Variants in SCG3 observed in about 807,000 individuals in gnomAD.
SCG3 encodes secretogranin III.
A neutral mutation model predicts 56.2 loss-of-function variants in SCG3; 38 were observed. The ratio of observed to expected loss-of-function variants is 0.68; its 90% CI spans 0.52 to 0.89. SCG3 has a LOEUF of 0.89. Among genes scored for constraint, SCG3 ranks in the 40% least tolerant of loss-of-function variants. The probability of loss-of-function intolerance (pLI) is 0.00; values close to 1 mark genes in which losing one functional copy is unlikely to be tolerated. For synonymous variants in SCG3, 176 were observed against 184.2 expected (o/e 0.96, Z 0.36); for missense variants, 524 against 540.7 (o/e 0.97, Z 0.31).
chr15:51,685,215 G>A (rs1043862611), intron 4 of SCG3, among the ~76,000 whole-genome samples: 4 of 152,070 alleles, frequency 2.6e-5, no homozygotes, highest in Non-Finnish European at 4.4e-5. Flanking sequence ...TCTTGAATTC[G>A]ACTTTTTTAC....
Position 51,720,957 on chromosome 15 carries a change from C to G in SCG3, c.*1431C>G, listed in dbSNP as rs1014010562. 1 of 155,290 alleles carries G rather than the reference C, an allele frequency of 6.4e-6. No homozygotes were observed. Among genetic ancestry groups the G allele is most frequent in the African/African-American group, 2.4e-5 (1 of 41,486 alleles). The allele number at this position is 155,290 out of a possible 1,614,324, so 9.6% of individuals were successfully genotyped here. A position where few individuals can be genotyped will look rare whatever the true frequency, so the allele number is the denominator to read the frequency against. On this transcript the variant is annotated 3_prime_UTR_variant, in exon 12 of 12. Transcript: ENST00000220478. Reference sequence around the variant, plus strand: ...GGCCACCCCAGCCAGCAGCAGCAACCTGTTCAGGTCGCCTGCCGCTGTGGA... The same window carrying G: ...GGCCACCCCAGCCAGCAGCAGCAACGTGTTCAGGTCGCCTGCCGCTGTGGA...
intron 8 of SCG3, 47 bp from the exon 9 acceptor site, chr15:51,699,272 T>A (rs757994120): frequency 1.5e-5 from 20 of 1,361,476 alleles, no homozygotes; most frequent in Non-Finnish European, 2.1e-5. Flanking sequence ...AAATTTGATG[T>A]CATCTCTCAG....
chr15:51,684,254 T>A (rs1409277052), intron 4 of SCG3, among the ~76,000 whole-genome samples: 4 of 152,186 alleles, frequency 2.6e-5, no homozygotes, highest in Admixed American at 1.3e-4. Flanking sequence ...CAAGCTCCAA[T>A]TATGTCTCAT....
intron 10 of SCG3, among the ~76,000 whole-genome samples, chr15:51,709,887 ATTTTTT>A (rs67775073): frequency 6.2e-4 from 53 of 84,814 alleles, no homozygotes; most frequent in Non-Finnish European, 9.7e-4. Flanking sequence ...CGCCCGGCTA[ATTTTTT>A]TTTTTTTTTT....
intron 10 of SCG3, chr15:51,707,930 T>G (rs1416189068): frequency 1.3e-5 from 2 of 152,228 alleles, no homozygotes; most frequent in Non-Finnish European, 2.9e-5. Context: ...GTATATCCAG[T>G]ATGCAATAGG....
chr15:51,695,231 A>G (rs2622773), intron 7 of SCG3, among the ~76,000 whole-genome samples: 39,837 of 151,678 alleles, frequency 0.26, 5,817 homozygotes, highest in East Asian at 0.55. Flanking sequence ...TCAATTTTGT[A>G]TTTATAAACT....
Position 51,681,567 on chromosome 15 carries a change from C to T in SCG3, c.-189C>T. On this transcript the variant is annotated 5_prime_UTR_variant, in exon 1 of 12. Transcript: ENST00000220478. ...TCTACCTGGAGACTTGACTCCCGCG[C>T]GCCCCAACCCTGCTTATCCCTTGAC... The T allele has an allele frequency of 1.7e-6, 1 of 585,296 alleles. No homozygotes were observed. Among genetic ancestry groups the T allele is most frequent in the Non-Finnish European group, 3.1e-6 (1 of 326,358 alleles). The allele number at this position is 585,296 out of a possible 1,614,324, so 36.3% of individuals were successfully genotyped here.
intron 8 of SCG3, among the ~76,000 whole-genome samples, chr15:51,696,892 A>G (rs910540696): frequency 9.9e-5 from 15 of 152,156 alleles, no homozygotes; most frequent in African/African-American, 3.6e-4. Flanking sequence ...CTGTATTTCA[A>G]CATTAGTGTT....
At chr15:51,710,829 C>T (rs567805414) in intron 10 of SCG3, among the ~76,000 whole-genome samples, 12 of 140,844 alleles carry the variant, frequency 8.5e-5, no homozygotes, top group Non-Finnish European at 1.7e-4. Context: ...CTCTTAGGTT[C>T]AAGCGATCTG....
chr15:51,684,695 T>C (rs1031999425), intron 4 of SCG3, among the ~76,000 whole-genome samples: 3 of 152,254 alleles, frequency 2.0e-5, no homozygotes, highest in Admixed American at 2.0e-4. Flanking sequence ...ATAGAAACCT[T>C]GTTCTTGCCC....
chr15:51,710,906 T>C (rs2055416702), intron 10 of SCG3, among the ~76,000 whole-genome samples: 1 of 152,080 alleles, frequency 6.6e-6, no homozygotes. Flanking sequence ...AAGGCCTTTA[T>C]TTCAAATTGT....
intron 4 of SCG3, among the ~76,000 whole-genome samples, chr15:51,683,854 C>T (rs966047485): frequency 3.9e-5 from 6 of 152,196 alleles, no homozygotes; most frequent in Non-Finnish European, 7.4e-5. Flanking sequence ...TATCTTTTCT[C>T]CTTAGGTCAT....
chr15:51,710,325 G>A (rs1406335198), intron 10 of SCG3, among the ~76,000 whole-genome samples: 1 of 152,066 alleles, frequency 6.6e-6, no homozygotes, highest in African/African-American at 2.4e-5. Context: ...AAGAGGAGGA[G>A]AATGACGGGG....
chr15:51,697,862 G>C (rs1787876440), intron 8 of SCG3, among the ~76,000 whole-genome samples: 1 of 152,104 alleles, frequency 6.6e-6, no homozygotes, highest in African/African-American at 2.4e-5. Context: ...TAGAGTTTGA[G>C]TTATGTCTTT....
chr15:51,693,638 C>T (rs2607117), intron 7 of SCG3: 112,468 of 152,172 alleles, frequency 0.74, 41,862 homozygotes, highest in South Asian at 0.81. Context: ...AAGGATTCAG[C>T]CCCAGATTGA....
At chr15:51,683,585 A>T (rs1385212286) in intron 4 of SCG3, 151 bp downstream of exon 4, 1 of 508,168 alleles carries the variant, frequency 2.0e-6, no homozygotes, top group South Asian at 3.2e-5. Flanking sequence ...TACTGATAAC[A>T]TGTAGAGCCC....
In SCG3 at chr15:51,683,388, CG is replaced by C; in HGVS notation, c.352del (p.Asp118MetfsTer24). The C allele has an allele frequency of 6.2e-7, 1 of 1,613,300 alleles. No homozygotes were observed. The highest frequency in any genetic ancestry group is 8.5e-7 in the Non-Finnish European group (1 of 1,179,684). On this transcript the variant is annotated frameshift_variant, in exon 4 of 12. Coordinates refer to ENST00000220478, the MANE Select transcript of SCG3 (RefSeq NM_013243.4). LOFTEE classifies it high-confidence loss of function. ...VDSTKNRKLI[D>X]DYDSTKSGLD... ...ATTCAACCAAGAATCGAAAACTGAT[CG>C]ATGATTATGACTCTACTAAGAGTGG...
chr15:51,719,262 G>A, intron 11 of SCG3, 146 bp from the exon 12 acceptor site: 1 of 633,168 alleles, frequency 1.6e-6, no homozygotes, highest in East Asian at 2.6e-5. Context: ...CTACACAAAT[G>A]CCAAGAATTA....
chr15:51,702,323 C>G (rs1348497641), intron 10 of SCG3, among the ~76,000 whole-genome samples: 1 of 152,150 alleles, frequency 6.6e-6, no homozygotes, highest in African/African-American at 2.4e-5. Flanking sequence ...GTGGCACGAT[C>G]TCAGCTCACT....
Sources: gnomAD v4.1 joint callset for allele counts (sites outside exome capture counted in the v4.1 genomes callset) on GRCh38, gnomAD v4.1.1 for gene constraint, MANE v1.5 for transcripts, NCBI Gene and HGNC (gene_info 2026-07-23, HGNC 2026-07-21) for gene names.